DEPDC7: variants seen among roughly 807,000 people sequenced by gnomAD.
DEPDC7 encodes DEP domain containing 7, also known as DEP domain-containing protein 7.
In DEPDC7, 41 loss-of-function variants were observed where a neutral mutation model predicts 56.6. That is an observed-to-expected ratio of 0.72 (90% CI 0.56 to 0.94). The LOEUF (loss-of-function observed/expected upper bound fraction) is 0.94, where lower values mean the gene tolerates loss of function less well. DEPDC7 is among the 40% of genes least tolerant of loss of function. The probability of loss-of-function intolerance (pLI) is 0.00; values close to 1 mark genes in which losing one functional copy is unlikely to be tolerated. For missense variants in DEPDC7, 522 were observed against 596.3 expected, an observed-to-expected ratio of 0.88 and a Z score of 1.30; for synonymous variants, 185 against 208.8, an observed-to-expected ratio of 0.89 and a Z score of 0.98.
intron 2 of DEPDC7, chr11:33,026,793 CT>C: frequency 9.3e-6 from 1 of 107,714 alleles, no homozygotes; most frequent in South Asian, 2.6e-4. Context: ...CTTTTCTTTT[CT>C]TTTTTTTCCT....
intron 2 of DEPDC7, among the ~76,000 whole-genome samples, 194 bp from the exon 3 acceptor site, chr11:33,027,492 T>G (rs1853590870): frequency 2.0e-5 from 3 of 152,212 alleles, no homozygotes; most frequent in Admixed American, 2.0e-4. Flanking sequence ...AAGAAAATAT[T>G]CAAAGGAGAA....
rs771872138 is a variant in DEPDC7 at position 33,025,972 on chromosome 11, C to T, written c.387C>T (p.Cys129=). The change falls in exon 2 of 9, where the codon TGC becomes TGT. Residue 129 remains cysteine, a synonymous_variant. Transcript: ENST00000241051. ...DKKPTFEDSS[C]SLYRFTTIPN... ...AACCTACATTTGAAGATAGTAGTTGCAGCCTTTATAGATTCACCACAATAC... is the reference window on the plus strand; with the variant it reads ...AACCTACATTTGAAGATAGTAGTTGTAGCCTTTATAGATTCACCACAATAC... 3 of 1,614,054 alleles carry T rather than the reference C, an allele frequency of 1.9e-6. No individual in the cohort carries two copies. Among genetic ancestry groups the T allele is most frequent in the Non-Finnish European group, 2.5e-6 (3 of 1,179,968 alleles).
At chr11:33,026,141 A>ACT in intron 2 of DEPDC7, 92 bp downstream of exon 2, 1 of 1,446,188 alleles carries the variant, frequency 6.9e-7, no homozygotes, top group Non-Finnish European at 9.6e-7. Context: ...TTACATTTTT[A>ACT]GCAGTAAATG....
At chr11:33,021,069 A>G (rs1218401157) in intron 1 of DEPDC7, among the ~76,000 whole-genome samples, 1 of 152,034 alleles carries the variant, frequency 6.6e-6, no homozygotes, top group Non-Finnish European at 1.5e-5. Flanking sequence ...CAACATGGTG[A>G]AACCCTGTCT....
At position 33,027,711 on chromosome 11, in the gene DEPDC7, T is replaced by C; in HGVS notation, c.490T>C (p.Ser164Pro). The C allele has an allele frequency of 6.4e-7, 1 of 1,551,506 alleles. No individual in the cohort carries two copies. The change falls in exon 3 of 9, where the codon TCC becomes CCC. Residue 164 changes from serine to proline, a missense_variant. Physicochemically the swap from Ser to Pro is moderately conservative, Grantham distance 74. Transcript: ENST00000241051. ...GTATGCAGATGCATTATTTAAGTCA[T>C]CCGATATCAGATCAGCCAGTTTAGA... ...ARYADALFKS[S>P]DIRSASLEDL...
chr11:33,021,120 G>A (rs1305883439), intron 1 of DEPDC7, among the ~76,000 whole-genome samples: 3 of 151,914 alleles, frequency 2.0e-5, no homozygotes, highest in Admixed American at 6.6e-5. Context: ...ACGTGGTGGC[G>A]CGTGCCTGTA....
chr11:33,033,158 C>T (rs1490604780), intron 8 of DEPDC7, 104 bp from the exon 9 acceptor site: 5 of 1,020,678 alleles, frequency 4.9e-6, no homozygotes, highest in Non-Finnish European at 5.7e-6. Flanking sequence ...GTGCATATTA[C>T]AAAATGGGGA....
rs1253178121 is a variant in DEPDC7 at position 33,026,029 on chromosome 11, C to T, written c.444C>T (p.Asn148=). The change falls in exon 2 of 9, where the codon AAC becomes AAT. Residue 148 remains asparagine, a synonymous_variant. Transcript: ENST00000241051. ...PNQDSQLGKE[N]KLYSPARYAD... is the part of the protein sequence containing the mutation. ...AAGACAGTCAGTTAGGCAAAGAGAA[C>T]AAACTATATTCACCTGCCAGGTTGG... 2 of 1,613,872 alleles carry T rather than the reference C, an allele frequency of 1.2e-6. No individual in the cohort carries two copies. The highest frequency in any genetic ancestry group is 2.2e-5 in the East Asian group (1 of 44,882).
At chr11:33,026,487 A>G in intron 2 of DEPDC7, 1 of 232,972 alleles carries the variant, frequency 4.3e-6, no homozygotes, top group Non-Finnish European at 8.6e-6. Flanking sequence ...CATGAAGTAA[A>G]CCAACTTTAC....
intron 4 of DEPDC7, among the ~76,000 whole-genome samples, chr11:33,029,238 C>G (rs1297929191): frequency 6.6e-6 from 1 of 151,654 alleles, no homozygotes; most frequent in African/African-American, 2.4e-5. Context: ...TGGCCCATGC[C>G]TGTAATCCTA....
At chr11:33,026,335 C>A (rs183105931) in intron 2 of DEPDC7, 1 of 356,500 alleles carries the variant, frequency 2.8e-6, no homozygotes, top group Non-Finnish European at 5.3e-6. Context: ...GAGAACATAG[C>A]GAAGGCAGGC....
Position 33,025,970 on chromosome 11 carries a change from T to C in DEPDC7, c.385T>C (p.Cys129Arg). 6.2e-7 allele frequency: 1 copy of C among 1,614,152 alleles called. No individual in the cohort carries two copies. Among genetic ancestry groups the C allele is most frequent in the East Asian group, 2.2e-5 (1 of 44,874 alleles). Residue 129 changes from cysteine (C) to arginine (R), a missense_variant, in exon 2 of 9, where the codon TGC (cysteine) becomes CGC (arginine). By Grantham distance (180) the Cys-to-Arg change is radical. Transcript: ENST00000241051. ...DKKPTFEDSS[C>R]SLYRFTTIPN... ...AAAACCTACATTTGAAGATAGTAGT[T>C]GCAGCCTTTATAGATTCACCACAAT...
intron 1 of DEPDC7, among the ~76,000 whole-genome samples, chr11:33,019,571 C>A (rs2133657615): frequency 6.6e-6 from 1 of 151,994 alleles, no homozygotes. Context: ...GAGGTTGAGG[C>A]AGGAGAATCG....
At chr11:33,026,488 C>A in intron 2 of DEPDC7, 1 of 232,644 alleles carries the variant, frequency 4.3e-6, no homozygotes, top group Non-Finnish European at 8.6e-6. Context: ...ATGAAGTAAA[C>A]CAACTTTACC....
intron 1 of DEPDC7, among the ~76,000 whole-genome samples, chr11:33,020,817 T>G (rs533525568): frequency 6.6e-5 from 10 of 152,358 alleles, no homozygotes. Context: ...AGTTTAGACC[T>G]GAAACTAACC....
At position 33,027,757 on chromosome 11, in the gene DEPDC7, G is replaced by C. The variant is rs746537879; in HGVS notation, c.536G>C (p.Ser179Thr). Residue 179 changes from serine to threonine, a missense_variant, in exon 3 of 9, where the codon AGT becomes ACT. Coordinates refer to ENST00000241051, the MANE Select transcript of DEPDC7 (RefSeq NM_001077242.2). ...TTAGAGGACCTGTGGGAAAATCTGA[G>C]TTTAAAGCCTGCCAACTCCCCTCAT... The part of the protein sequence containing the change: ...ASLEDLWENL[S>T]LKPANSPHVN... The C allele has an allele frequency of 8.2e-6, 13 of 1,578,668 alleles. No individual in the cohort carries two copies. In the Admixed American group the frequency reaches 2.5e-4, roughly 30 times the overall value.
At chr11:33,026,446 G>T in intron 2 of DEPDC7, 1 of 272,270 alleles carries the variant, frequency 3.7e-6, no homozygotes, top group Admixed American at 4.7e-5. Context: ...GGATGTGGGT[G>T]ATAATGCATA....
At chr11:33,020,705 C>A (rs1456884180) in intron 1 of DEPDC7, among the ~76,000 whole-genome samples, 1 of 152,108 alleles carries the variant, frequency 6.6e-6, no homozygotes, top group Admixed American at 6.5e-5. Context: ...TGGTGCGATC[C>A]TAGCCCACTG....
At chr11:33,024,802 C>CTG (rs35371602) in intron 1 of DEPDC7, among the ~76,000 whole-genome samples, 16,521 of 146,320 alleles carry the variant, frequency 0.11, 1,087 homozygotes, top group Admixed American at 0.19. Flanking sequence ...ATGCATGACT[C>CTG]TGTGTGTGTG....
Sources: allele counts gnomAD v4.1 joint callset (sites outside exome capture counted in the v4.1 genomes callset), GRCh38; gene constraint gnomAD v4.1.1; transcripts MANE v1.5; gene names NCBI Gene and HGNC (gene_info 2026-07-23, HGNC 2026-07-21).